The following JMJD1C variants were observed in gnomAD, a reference collection of about 807,000 sequenced individuals.
JMJD1C encodes the protein jumonji domain containing 1C, also known as jumonji domain-containing protein 1C.
In JMJD1C, 31 loss-of-function variants were observed where a neutral mutation model predicts 245.3. The observed-to-expected ratio is 0.13, with a 90% CI of 0.09 to 0.17. The LOEUF is 0.17. Among genes scored for constraint, JMJD1C ranks in the 10% least tolerant of loss-of-function variants. The pLI is 1.00. For missense variants in JMJD1C, 2,691 were observed against 3,000.2 expected (o/e 0.90, Z 2.41); for synonymous variants, 1,057 against 1,017.4 (o/e 1.04, Z -0.74).
In JMJD1C at chr10:63,285,540, C is replaced by T. The variant is rs148895850; in HGVS notation, c.334-20776G>A. On this transcript the variant is annotated intron_variant, in intron 2 of 25. Transcript: ENST00000399262. Reference sequence around the variant, plus strand: ...TTGCCATAAGCCTTTCTTTACTGCCCGGGCAGAGTGGCTGAAGCCTCCAAT... The same window carrying T: ...TTGCCATAAGCCTTTCTTTACTGCCTGGGCAGAGTGGCTGAAGCCTCCAAT... 2.4e-3 allele frequency among the ~76,000 whole-genome samples: 369 copies of T among 152,252 alleles called. 3 individuals are homozygous for T. The South Asian group carries it at 0.029, about 12-fold the overall frequency.
At chr10:63,503,955 A>T (rs966006856) in intron 1 of JMJD1C, among the ~76,000 whole-genome samples, 12 of 152,084 alleles carry the variant, frequency 7.9e-5, no homozygotes, top group African/African-American at 2.4e-5. Context: ...CTTGTGTTTC[A>T]TGGGCAGTTT....
intron 1 of JMJD1C, among the ~76,000 whole-genome samples, chr10:63,401,360 G>A (rs932927141): frequency 3.9e-5 from 6 of 152,012 alleles, no homozygotes; most frequent in African/African-American, 9.7e-5. Context: ...ACAGGTTGTC[G>A]AAAATTGTTG....
At chr10:63,424,849 A>G (rs1004890678) in intron 1 of JMJD1C, among the ~76,000 whole-genome samples, 1 of 152,208 alleles carries the variant, frequency 6.6e-6, no homozygotes, top group Non-Finnish European at 1.5e-5. Flanking sequence ...GGGTATTATA[A>G]GACCACATTC....
At chr10:63,248,584 G>A (rs1001644154) in intron 3 of JMJD1C, among the ~76,000 whole-genome samples, 4 of 149,098 alleles carry the variant, frequency 2.7e-5, no homozygotes, top group African/African-American at 4.9e-5. Context: ...GAATAATGAT[G>A]GACACTGTTG....
At chr10:63,281,387 C>T (rs1359467840) in intron 2 of JMJD1C, among the ~76,000 whole-genome samples, 3 of 148,888 alleles carry the variant, frequency 2.0e-5, no homozygotes, top group Middle Eastern at 3.2e-3. Flanking sequence ...TTTTGAACTC[C>T]TGACCTTGTG....
intron 1 of JMJD1C, chr10:63,427,363 T>C (rs1950503625): frequency 9.7e-7 from 1 of 1,031,700 alleles, no homozygotes; most frequent in Admixed American, 1.9e-5. Flanking sequence ...CACCGCCTTC[T>C]GGCATCAGTA....
chr10:63,466,229 C>A (rs1589803850), upstream of JMJD1C: 5 of 165,032 alleles, frequency 3.0e-5, no homozygotes, highest in South Asian at 7.1e-4. Context: ...TGGGGGTCTA[C>A]CTTTGTATTC....
At chr10:63,504,366 T>C (rs10509189) in intron 1 of JMJD1C, among the ~76,000 whole-genome samples, 63,885 of 151,750 alleles carry the variant, frequency 0.42, 14,164 homozygotes, top group South Asian at 0.53. Flanking sequence ...AGTGATTAGG[T>C]GGTTAGGTGA....
chr10:63,372,142 T>C (rs548652916), intron 2 of JMJD1C, among the ~76,000 whole-genome samples: 56 of 152,298 alleles, frequency 3.7e-4, no homozygotes, highest in Non-Finnish European at 2.6e-4. Flanking sequence ...TTGGAACAGA[T>C]AGTAAGTAAA....
chr10:63,400,780 G>A (rs182215013), intron 1 of JMJD1C, among the ~76,000 whole-genome samples: 3 of 151,498 alleles, frequency 2.0e-5, no homozygotes, highest in Non-Finnish European at 4.4e-5. Context: ...CACCATGTTG[G>A]CCAGGCTGGT....
intron 2 of JMJD1C, among the ~76,000 whole-genome samples, chr10:63,307,757 G>A (rs1938476347): frequency 6.6e-6 from 1 of 152,100 alleles, no homozygotes; most frequent in African/African-American, 2.4e-5. Flanking sequence ...GAGATTCACT[G>A]TTTTAGAAGT....
chr10:63,380,293 T>C (rs775392460), intron 2 of JMJD1C, 25 bp downstream of exon 2: 2 of 1,611,296 alleles, frequency 1.2e-6, no homozygotes, highest in Non-Finnish European at 1.7e-6. Flanking sequence ...ATGAAAATGC[T>C]TAATGAAACA....
rs188288418 is a variant in JMJD1C, at chr10:63,216,823, T to C, written c.678+384A>G. Reference sequence around the variant, plus strand: ...CACTGACATTTGATGTGAGAAGAAATGTACTGTGTGTTTAAGTTTTCACTG... The same window carrying C: ...CACTGACATTTGATGTGAGAAGAAACGTACTGTGTGTTTAAGTTTTCACTG... On this transcript the variant is annotated intron_variant, in intron 5 of 25. Coordinates refer to ENST00000399262, the MANE Select transcript of JMJD1C (RefSeq NM_032776.3). 9.2e-5 allele frequency among the ~76,000 whole-genome samples: 14 copies of C among 152,310 alleles called. 2 individuals carry two copies. The highest frequency in any genetic ancestry group is 7.2e-4 in the Admixed American group (11 of 15,306).
chr10:63,437,450 T>A (rs1408231995), intron 1 of JMJD1C, among the ~76,000 whole-genome samples: 6 of 152,206 alleles, frequency 3.9e-5, no homozygotes, highest in African/African-American at 1.4e-4. Flanking sequence ...CTTCTATTAC[T>A]AGGGATTAAG....
At chr10:63,298,110 A>ACAGTGT (rs1859654409) in intron 2 of JMJD1C, among the ~76,000 whole-genome samples, 1 of 152,154 alleles carries the variant, frequency 6.6e-6, no homozygotes, top group African/African-American at 2.4e-5. Context: ...CCACTATAGC[A>ACAGTGT]GCCAGTATGC....
In JMJD1C at chr10:63,234,493, T is replaced by TAAAA. The variant is rs71025129; in HGVS notation, c.448-14514_448-14511dup. Among the ~76,000 whole-genome samples the TAAAA allele has an allele frequency of 5.2e-3, 192 of 37,026 alleles. 3 individuals are homozygous for TAAAA. Among genetic ancestry groups the TAAAA allele is most frequent in the Middle Eastern group, 0.023 (1 of 44 alleles). 24.3% of individuals were successfully genotyped at this position (37,026 alleles called of 152,430 possible). ...TCATCAACAGAGAGAAACCTCCTCT[T>TAAAA]AAAAAAAAAAAAAAAAAAAAAAAAA... is the stretch of plus-strand genomic sequence containing the variant. On this transcript the variant is annotated intron_variant, in intron 3 of 25. Coordinates refer to ENST00000399262, the MANE Select transcript of JMJD1C (RefSeq NM_032776.3).
intron 1 of JMJD1C, among the ~76,000 whole-genome samples, chr10:63,462,697 C>T (rs960325862): frequency 2.6e-5 from 4 of 152,028 alleles, no homozygotes; most frequent in Non-Finnish European, 5.9e-5. Context: ...AGGAAGGGGG[C>T]CATGAGCCAA....
At chr10:63,263,883 G>A (rs1295850215) in intron 3 of JMJD1C, among the ~76,000 whole-genome samples, 1 of 139,574 alleles carries the variant, frequency 7.2e-6, no homozygotes, top group African/African-American at 2.7e-5. Context: ...AGTGAACCAA[G>A]AACGTGCCAC....
intron 2 of JMJD1C, among the ~76,000 whole-genome samples, chr10:63,280,761 T>C (rs1415176287): frequency 6.6e-6 from 1 of 152,128 alleles, no homozygotes; most frequent in Admixed American, 6.6e-5. Flanking sequence ...ACCACTTGTG[T>C]ATATATAAAG....
Sources: allele counts gnomAD v4.1 joint callset (sites outside exome capture counted in the v4.1 genomes callset), GRCh38; gene constraint gnomAD v4.1.1; transcripts MANE v1.5; gene names NCBI Gene and HGNC (gene_info 2026-07-23, HGNC 2026-07-21).